MDGA2: variants seen among roughly 807,000 people sequenced by gnomAD.
MDGA2 encodes MAM domain containing glycosylphosphatidylinositol anchor 2.
Under a neutral mutation model 117.8 loss-of-function variants are expected in MDGA2, and 40 were observed. That is an observed-to-expected ratio of 0.34 (90% CI 0.26 to 0.44). The LOEUF (loss-of-function observed/expected upper bound fraction) is 0.44. Ranked by LOEUF, MDGA2 falls within the 20% of genes least tolerant of loss-of-function variation. The probability of loss-of-function intolerance (pLI) is 1.00; values close to 1 mark genes in which losing one functional copy is unlikely to be tolerated. For missense variants in MDGA2, 1,123 were observed against 1,250.6 expected (o/e 0.90, Z 1.54); for synonymous variants, 452 against 439.0 (o/e 1.03, Z -0.37).
intron 10 of MDGA2, among the ~76,000 whole-genome samples, chr14:46,890,408 T>G (rs1055595861): frequency 1.3e-5 from 2 of 152,150 alleles, no homozygotes; most frequent in Admixed American, 1.3e-4. Context: ...TCAAAAAGTT[T>G]TTAACTTATA....
chr14:47,411,218 C>T (rs924431167), intron 1 of MDGA2, among the ~76,000 whole-genome samples: 11 of 152,078 alleles, frequency 7.2e-5, no homozygotes, highest in African/African-American at 2.2e-4. Context: ...ATACCATAAA[C>T]GTCCTTTTTT....
intron 1 of MDGA2, among the ~76,000 whole-genome samples, chr14:47,661,567 A>G (rs1897846286): frequency 1.3e-5 from 2 of 152,174 alleles, no homozygotes; most frequent in Admixed American, 1.3e-4. Flanking sequence ...ATAAAATACA[A>G]CTTAAAAGAC....
intron 8 of MDGA2, among the ~76,000 whole-genome samples, chr14:47,022,732 T>A (rs1020336724): frequency 1.3e-5 from 2 of 152,142 alleles, no homozygotes; most frequent in Non-Finnish European, 2.9e-5. Context: ...AAGATTATTT[T>A]AAGGATATTC....
chr14:47,412,849 G>A (rs905981890), intron 1 of MDGA2, among the ~76,000 whole-genome samples: 1 of 152,144 alleles, frequency 6.6e-6, no homozygotes, highest in African/African-American at 2.4e-5. Context: ...GGGCCTTTGA[G>A]CTAAACAGTT....
At chr14:47,642,222 C>T (rs1897439470) in intron 1 of MDGA2, among the ~76,000 whole-genome samples, 2 of 152,032 alleles carry the variant, frequency 1.3e-5, no homozygotes, top group African/African-American at 4.8e-5. Flanking sequence ...ACTCAGCTCC[C>T]TCACCAGTAA....
At chr14:47,617,736 T>C (rs1298952538) in intron 1 of MDGA2, among the ~76,000 whole-genome samples, 1 of 152,192 alleles carries the variant, frequency 6.6e-6, no homozygotes, top group Non-Finnish European at 1.5e-5. Flanking sequence ...TTAGGTTACA[T>C]GCATATTATT....
intron 10 of MDGA2, among the ~76,000 whole-genome samples, chr14:46,896,450 C>G (rs1439049416): frequency 1.3e-5 from 2 of 152,028 alleles, no homozygotes; most frequent in Non-Finnish European, 2.9e-5. Flanking sequence ...TTAATTGATA[C>G]ATTTATTCAT....
chr14:47,477,803 A>AT (rs1457388324), intron 1 of MDGA2, among the ~76,000 whole-genome samples: 5 of 151,966 alleles, frequency 3.3e-5, no homozygotes, highest in African/African-American at 1.2e-4. Context: ...GAGAAAAAAA[A>AT]CTGTGACATC....
At chr14:47,263,323 A>G (rs1218438646) in intron 2 of MDGA2, among the ~76,000 whole-genome samples, 1 of 152,044 alleles carries the variant, frequency 6.6e-6, no homozygotes, top group Non-Finnish European at 1.5e-5. Flanking sequence ...ACTGCCACCC[A>G]TCCTCCATCC....
intron 1 of MDGA2, among the ~76,000 whole-genome samples, chr14:47,331,856 AAC>A (rs1311453578): frequency 6.6e-6 from 1 of 152,030 alleles, no homozygotes; most frequent in Non-Finnish European, 1.5e-5. Flanking sequence ...ACATTTCAAA[AAC>A]AGTCCTTTTC....
At chr14:47,506,024 G>A (rs1432145628) in intron 1 of MDGA2, among the ~76,000 whole-genome samples, 3 of 152,108 alleles carry the variant, frequency 2.0e-5, no homozygotes, top group Non-Finnish European at 4.4e-5. Context: ...GATAAGACAT[G>A]CACATAAATA....
At chr14:47,413,527 A>G (rs964069479) in intron 1 of MDGA2, among the ~76,000 whole-genome samples, 1 of 152,190 alleles carries the variant, frequency 6.6e-6, no homozygotes, top group Non-Finnish European at 1.5e-5. Context: ...GTTTTGCTAA[A>G]TAATTGGAAA....
intron 2 of MDGA2, among the ~76,000 whole-genome samples, chr14:47,258,732 ATT>A (rs35854935): frequency 6.6e-6 from 1 of 151,598 alleles, no homozygotes; most frequent in African/African-American, 2.4e-5. Context: ...GGATGAGGCT[ATT>A]TTTTTTTCTA....
chr14:47,565,117 A>G (rs1895891817), intron 1 of MDGA2, among the ~76,000 whole-genome samples: 1 of 151,928 alleles, frequency 6.6e-6, no homozygotes, highest in South Asian at 2.1e-4. Flanking sequence ...TGGTTATTTC[A>G]GCCATTTCAG....
chr14:47,311,556 C>G (rs1373296205), intron 1 of MDGA2, among the ~76,000 whole-genome samples: 2 of 152,140 alleles, frequency 1.3e-5, no homozygotes, highest in Non-Finnish European at 2.9e-5. Context: ...TACCCCAAGT[C>G]TGGCTCTTTT....
intron 1 of MDGA2, among the ~76,000 whole-genome samples, chr14:47,603,040 C>G (rs573790488): frequency 6.6e-6 from 1 of 152,040 alleles, no homozygotes; most frequent in Non-Finnish European, 1.5e-5. Context: ...GCCTTGGGAG[C>G]CTGCTTCTTC....
chr14:47,007,815 C>T (rs185457443), intron 8 of MDGA2, among the ~76,000 whole-genome samples: 61 of 151,754 alleles, frequency 4.0e-4, no homozygotes, highest in African/African-American at 1.3e-3. Context: ...CTCATGTAAG[C>T]GATACTCATT....
intron 8 of MDGA2, among the ~76,000 whole-genome samples, chr14:46,989,507 G>A (rs1887001351): frequency 6.6e-6 from 1 of 152,012 alleles, no homozygotes; most frequent in East Asian, 1.9e-4. Context: ...ATTATACAAT[G>A]CTAGTACTAT....
At chr14:47,514,023 A>T (rs1894699413) in intron 1 of MDGA2, among the ~76,000 whole-genome samples, 1 of 152,180 alleles carries the variant, frequency 6.6e-6, no homozygotes, top group Admixed American at 6.5e-5. Flanking sequence ...GTGACACCGG[A>T]GTGGGGAGTT....
Sources: gnomAD v4.1 joint callset for allele counts (sites outside exome capture counted in the v4.1 genomes callset) on GRCh38, gnomAD v4.1.1 for gene constraint, MANE v1.5 for transcripts, NCBI Gene and HGNC (gene_info 2026-07-23, HGNC 2026-07-21) for gene names.